The following PCDHA4 variants were observed in gnomAD, a reference collection of about 807,000 sequenced individuals.
The protein encoded by PCDHA4 is protocadherin alpha 4.
In PCDHA4, 49 loss-of-function variants were observed where a neutral mutation model predicts 61.4. The ratio of observed to expected loss-of-function variants is 0.80; its 90% CI spans 0.63 to 1.01. The LOEUF is 1.01. PCDHA4 is among the 50% of genes least tolerant of loss of function. The probability of loss-of-function intolerance (pLI) is 0.00; values close to 1 mark genes in which losing one functional copy is unlikely to be tolerated. For missense variants in PCDHA4, 1,254 were observed against 1,235.8 expected (o/e 1.01, Z -0.22); for synonymous variants, 590 against 550.3 (o/e 1.07, Z -1.01).
At chr5:140,966,756 G>A (rs1476318654) in intron 1 of PCDHA4, 9 of 1,437,232 alleles carry the variant, frequency 6.3e-6, no homozygotes, top group Non-Finnish European at 8.2e-6. Flanking sequence ...CCTCCGCCGC[G>A]GCCAGTGGCT....
Position 140,979,220 on chromosome 5 carries a change from C to T in PCDHA4, c.2444+213C>T, listed in dbSNP as rs552719327. ...TATCAAGTGCTGGCATATAAGAGTC[C>T]TCTGTAAAATCACAGAAACAGGCTG... On this transcript the variant is annotated intron_variant, in intron 2 of 3. Transcript: ENST00000530339. Among the ~76,000 whole-genome samples, 27 of 152,304 alleles carry T rather than the reference C, an allele frequency of 1.8e-4. 1 individual carries two copies. The highest frequency in any genetic ancestry group is 6.3e-4 in the African/African-American group (26 of 41,574).
intron 1 of PCDHA4, among the ~76,000 whole-genome samples, chr5:140,885,102 G>A (rs2060467065): frequency 6.6e-6 from 1 of 151,970 alleles, no homozygotes; most frequent in Non-Finnish European, 1.5e-5. Flanking sequence ...TCACATAAAT[G>A]CTTTTTTTAA....
intron 1 of PCDHA4, among the ~76,000 whole-genome samples, chr5:140,846,674 T>TA (rs1434317760): frequency 1.3e-5 from 2 of 149,408 alleles, no homozygotes; most frequent in East Asian, 3.9e-4. Context: ...GCGCCCAGCC[T>TA]AAAATGCTTT....
At chr5:140,828,652 T>C (rs1357911961) in intron 1 of PCDHA4, 8 of 1,614,198 alleles carry the variant, frequency 5.0e-6, no homozygotes, top group South Asian at 1.1e-5. Flanking sequence ...TAAACAGTGA[T>C]GACAATAAAC....
intron 1 of PCDHA4, chr5:140,851,446 T>G (rs576126527): frequency 1.1e-6 from 1 of 916,006 alleles, no homozygotes; most frequent in South Asian, 5.0e-5. Flanking sequence ...GTTGCTCCAC[T>G]TTAGGAATCA....
chr5:140,829,467 A>G, intron 1 of PCDHA4: 6 of 1,613,844 alleles, frequency 3.7e-6, no homozygotes, highest in Non-Finnish European at 5.1e-6. Flanking sequence ...GCGCAGCCCG[A>G]GTACACAGTG....
chr5:140,963,072 CAG>C (rs1366711310), intron 1 of PCDHA4, among the ~76,000 whole-genome samples: 5 of 151,824 alleles, frequency 3.3e-5, no homozygotes, highest in African/African-American at 1.2e-4. Flanking sequence ...GTGAAGGAGA[CAG>C]AAATATAAGA....
intron 3 of PCDHA4, among the ~76,000 whole-genome samples, chr5:140,999,166 A>G (rs2097849848): frequency 6.6e-6 from 1 of 152,190 alleles, no homozygotes; most frequent in South Asian, 2.1e-4. Context: ...CTAGAAGGAA[A>G]AGAGCCTGAT....
At chr5:140,829,378 CG>C (rs2150166771) in intron 1 of PCDHA4, 1 of 1,614,062 alleles carries the variant, frequency 6.2e-7, no homozygotes, top group Non-Finnish European at 8.5e-7. Context: ...CCGCGCGGGA[CG>C]GGGGCTCGCC....
chr5:140,873,286 A>C (rs1337353218), intron 1 of PCDHA4, among the ~76,000 whole-genome samples: 3 of 152,246 alleles, frequency 2.0e-5, no homozygotes, highest in African/African-American at 7.2e-5. Flanking sequence ...ACCACTTATG[A>C]AACTTTATAA....
At chr5:140,942,949 G>A (rs1183072564) in intron 1 of PCDHA4, among the ~76,000 whole-genome samples, 10 of 151,942 alleles carry the variant, frequency 6.6e-5, no homozygotes, top group Admixed American at 1.3e-4. Flanking sequence ...AAGTGTAGAC[G>A]TTCTGTTATC....
intron 1 of PCDHA4, chr5:140,843,480 C>T (rs2150360983): frequency 2.5e-6 from 4 of 1,596,022 alleles, no homozygotes; most frequent in East Asian, 2.2e-5. Context: ...CTGTACACTG[C>T]GCTGCGGTGC....
intron 1 of PCDHA4, among the ~76,000 whole-genome samples, chr5:140,942,287 G>A (rs1468201947): frequency 1.3e-5 from 2 of 152,102 alleles, no homozygotes; most frequent in African/African-American, 4.8e-5. Context: ...GCTCATGCCT[G>A]TAATCCTAGC....
At chr5:141,004,054 G>A (rs2098150015) in intron 3 of PCDHA4, among the ~76,000 whole-genome samples, 1 of 152,216 alleles carries the variant, frequency 6.6e-6, no homozygotes, top group Admixed American at 6.5e-5. Flanking sequence ...TGCTGATACT[G>A]GCCCCTGGTT....
In PCDHA4 at chr5:140,982,530, C is replaced by G; in HGVS notation, c.2500C>G (p.Gln834Glu). The G allele has an allele frequency of 1.2e-6, 2 of 1,614,200 alleles. No homozygotes were observed. The highest frequency in any genetic ancestry group is 3.3e-5 in the Admixed American group (2 of 60,020). ...ILRAGPGGPDQQWPTVSSATP... is the reference protein window; with the variant it reads ...ILRAGPGGPDEQWPTVSSATP... ...ACGGGCTGGTCCAGGAGGGCCTGATCAGCAGTGGCCAACAGTATCCAGTGC... is the reference window on the plus strand; with the variant it reads ...ACGGGCTGGTCCAGGAGGGCCTGATGAGCAGTGGCCAACAGTATCCAGTGC... The change falls in exon 3 of 4, where the codon CAG (glutamine) becomes GAG (glutamate). Residue 834 changes from glutamine to glutamate, a missense_variant. By Grantham distance (29) the Gln-to-Glu change is conservative. Transcript: ENST00000530339.
intron 1 of PCDHA4, chr5:140,927,814 G>T: frequency 6.2e-7 from 1 of 1,614,172 alleles, no homozygotes; most frequent in Non-Finnish European, 8.5e-7. Flanking sequence ...GCTCTTGGAG[G>T]CATACATTGA....
chr5:140,932,398 T>TA (rs1472151465), intron 1 of PCDHA4, among the ~76,000 whole-genome samples: 1 of 151,960 alleles, frequency 6.6e-6, no homozygotes, highest in Non-Finnish European at 1.5e-5. Flanking sequence ...AGTTTCAACA[T>TA]ACCAATGTTA....
At chr5:140,823,566 C>CCCT (rs1767771427) in intron 1 of PCDHA4, 1 of 1,613,826 alleles carries the variant, frequency 6.2e-7, no homozygotes, top group South Asian at 1.1e-5. Flanking sequence ...GCGCAGTGGA[C>CCCT]CCTGATTCGG....
chr5:140,876,408 G>T, intron 1 of PCDHA4: 1 of 1,613,942 alleles, frequency 6.2e-7, no homozygotes, highest in Non-Finnish European at 8.5e-7. Flanking sequence ...ATTTTGAAGA[G>T]AATAATGCCT....
Sources: gnomAD v4.1 joint callset for allele counts (sites outside exome capture counted in the v4.1 genomes callset) on GRCh38, gnomAD v4.1.1 for gene constraint, MANE v1.5 for transcripts, NCBI Gene and HGNC (gene_info 2026-07-23, HGNC 2026-07-21) for gene names.